FAM120A: variants seen among roughly 807,000 people sequenced by gnomAD.
The protein encoded by FAM120A is constitutive coactivator of PPAR-gamma-like protein 1.
In FAM120A, 15 loss-of-function variants were observed where a neutral mutation model predicts 109.7. The ratio of observed to expected loss-of-function variants is 0.14; its 90% CI spans 0.09 to 0.21. FAM120A has a LOEUF of 0.21. Ranked by LOEUF, FAM120A falls within the 10% of genes least tolerant of loss-of-function variation. The probability of loss-of-function intolerance (pLI) is 1.00; values close to 1 mark genes in which losing one functional copy is unlikely to be tolerated. For missense variants in FAM120A, 899 were observed against 1,439.3 expected, an observed-to-expected ratio of 0.62 and a Z score of 6.07; for synonymous variants, 493 against 572.8, an observed-to-expected ratio of 0.86 and a Z score of 1.99.
Position 93,516,180 on chromosome 9 carries a change from C to A in FAM120A, c.1329C>A (p.Gly443=). ...RSSPINPAQS[G]SPNHVDSAYF... is the part of the protein sequence containing the mutation. ...CGCCCATCAACCCGGCCCAGAGCGG[C>A]AGCCCCAACCACGTGGATTCCGCCT... The change falls in exon 7 of 18, where the codon GGC becomes GGA. Residue 443 remains glycine, a synonymous_variant. Transcript: ENST00000277165. The A allele has an allele frequency of 6.2e-7, 1 of 1,614,022 alleles. No individual in the cohort carries two copies. Among genetic ancestry groups the A allele is most frequent in the Non-Finnish European group, 8.5e-7 (1 of 1,179,882 alleles).
chr9:93,540,618 C>T (rs1462913913), intron 10 of FAM120A, among the ~76,000 whole-genome samples: 4 of 152,078 alleles, frequency 2.6e-5, no homozygotes, highest in South Asian at 4.1e-4. Flanking sequence ...TGGGCTGTGT[C>T]GAGTCTGGAG....
rs1367029243 is a variant in FAM120A at position 93,500,483 on chromosome 9, C to G, written c.1030+1597C>G. On this transcript the variant is annotated intron_variant, in intron 5 of 17. Transcript: ENST00000277165. This position sits in a 1 kb window ranked among gnomAD's most constrained non-coding sequence, Gnocchi z 4.6. ...CTGCCTGGCTTTAAATCTCTGCACA[C>G]TCCTTGGCTTCTATTTGTCACCACC... Among the ~76,000 whole-genome samples the G allele has an allele frequency of 1.3e-5, 2 of 152,228 alleles. No individual in the cohort carries two copies. Among genetic ancestry groups the G allele is most frequent in the Non-Finnish European group, 2.9e-5 (2 of 68,038 alleles).
At chr9:93,517,428 G>T (rs570238348) in intron 7 of FAM120A, among the ~76,000 whole-genome samples, 8 of 152,238 alleles carry the variant, frequency 5.3e-5, no homozygotes, top group African/African-American at 1.4e-4. Context: ...CCCCAAATTT[G>T]CATTTTAAAT....
chr9:93,502,757 T>C (rs1428029023), intron 5 of FAM120A, among the ~76,000 whole-genome samples: 1 of 152,216 alleles, frequency 6.6e-6, no homozygotes, highest in Non-Finnish European at 1.5e-5. Flanking sequence ...GTTCTTTCTG[T>C]CTCAGCATGT....
At chr9:93,487,201 G>A (rs983133300) in intron 3 of FAM120A, among the ~76,000 whole-genome samples, 8 of 152,012 alleles carry the variant, frequency 5.3e-5, no homozygotes, top group African/African-American at 1.7e-4. Context: ...TCGCTCTGTC[G>A]CCCAGGCTGG....
Position 93,452,935 on chromosome 9 carries a change from C to CCAGTGCCCTGGCCTCTACTTCAGAACG in FAM120A, c.474+557_474+583dup. On this transcript the variant is annotated intron_variant, in intron 1 of 17. Coordinates refer to ENST00000277165, the MANE Select transcript of FAM120A (RefSeq NM_014612.5). This position sits in a 1 kb window ranked among gnomAD's most constrained non-coding sequence, Gnocchi z 7.0. ...GGTGACAGCGAGACGTGTCTAAGGGCCAGTGCCCTGGCCTCTACTTCAGAA... is the reference window on the plus strand; with the variant it reads ...GGTGACAGCGAGACGTGTCTAAGGGCCAGTGCCCTGGCCTCTACTTCAGAACGCAGTGCCCTGGCCTCTACTTCAGAA... The CCAGTGCCCTGGCCTCTACTTCAGAACG allele has an allele frequency of 1.4e-6, 2 of 1,412,646 alleles. No homozygotes were observed. Among genetic ancestry groups the CCAGTGCCCTGGCCTCTACTTCAGAACG allele is most frequent in the Non-Finnish European group, 1.8e-6 (2 of 1,089,370 alleles). The allele number at this position is 1,412,646 out of a possible 1,614,324, so 87.5% of individuals were successfully genotyped here. A position where few individuals can be genotyped will look rare whatever the true frequency, so the allele number is the denominator to read the frequency against.
rs182532102 is a variant in FAM120A, at chr9:93,506,619, A to G, written c.1030+7733A>G. Among the ~76,000 whole-genome samples the G allele has an allele frequency of 3.8e-3, 573 of 150,262 alleles. 4 individuals are homozygous for G. Among genetic ancestry groups the G allele is most frequent in the Non-Finnish European group, 6.1e-3 (414 of 67,758 alleles). ...TTCTTCTTTTTTTTTTGTTTTCAAG[A>G]TGGAGTCTCGCTCTGTCGCCCAGAC... is the stretch of plus-strand genomic sequence containing the variant. On this transcript the variant is annotated intron_variant, in intron 5 of 17. Transcript: ENST00000277165.
At chr9:93,487,503 T>C (rs1859115020) in intron 3 of FAM120A, among the ~76,000 whole-genome samples, 1 of 152,220 alleles carries the variant, frequency 6.6e-6, no homozygotes, top group African/African-American at 2.4e-5. Flanking sequence ...TTCAAGTCTA[T>C]TATTAGATAT....
intron 1 of FAM120A, among the ~76,000 whole-genome samples, chr9:93,459,771 G>A (rs186918151): frequency 6.6e-6 from 1 of 152,262 alleles, no homozygotes; most frequent in Non-Finnish European, 1.5e-5. Context: ...GTTAACTGAA[G>A]GCATCTATTG....
Position 93,562,255 on chromosome 9 carries a change from G to A in FAM120A, c.2996G>A (p.Arg999Lys), listed in dbSNP as rs1862493796. Residue 999 changes from arginine (R) to lysine (K), a missense_variant, in exon 17 of 18, where the codon AGA becomes AAA. By Grantham distance (26) the Arg-to-Lys change is conservative. This residue lies in a region of FAM120A where 170 missense variants were observed against 205.0 expected (regional missense o/e 0.83). Transcript: ENST00000277165. The part of the protein sequence containing the change: ...ISTPVIRTFG[R>K]GGRYYGRGYK... ...ACCCCAGTGATTAGAACATTTGGAAGAGGTGGAAGGTACTATGGCAGAGGT... is the reference window on the plus strand; with the variant it reads ...ACCCCAGTGATTAGAACATTTGGAAAAGGTGGAAGGTACTATGGCAGAGGT... 6.2e-7 allele frequency: 1 copy of A among 1,614,232 alleles called. No individual in the cohort carries two copies.
chr9:93,555,880 T>C (rs1265994478), intron 12 of FAM120A, among the ~76,000 whole-genome samples: 2 of 152,250 alleles, frequency 1.3e-5, no homozygotes, highest in African/African-American at 4.8e-5. Flanking sequence ...ACATAAAGTA[T>C]AAATTTATTT....
chr9:93,478,401 G>T (rs193164133), intron 3 of FAM120A, among the ~76,000 whole-genome samples: 1 of 152,004 alleles, frequency 6.6e-6, no homozygotes. Flanking sequence ...TTGATACGTT[G>T]TAGGATTTTA....
At position 93,564,414 on chromosome 9, in the gene FAM120A, T is replaced by G; in HGVS notation, c.3231T>G (p.Ser1077=). The G allele has an allele frequency of 6.2e-7, 1 of 1,614,266 alleles. No homozygotes were observed. The highest frequency in any genetic ancestry group is 8.5e-7 in the Non-Finnish European group (1 of 1,180,048). Residue 1077 remains serine (S), a synonymous_variant, in exon 18 of 18, where the codon TCT becomes TCG. Transcript: ENST00000277165. ...GTGACGCCAGGGCCCCCAGCCACTC[T>G]GAAAGTGCCTTGAATAATGACTCTA... ...STGDARAPSH[S]ESALNNDSKT... is the part of the protein sequence containing the mutation.
chr9:93,467,864 GT>G (rs948989731), intron 1 of FAM120A, among the ~76,000 whole-genome samples: 8 of 151,606 alleles, frequency 5.3e-5, no homozygotes, highest in Non-Finnish European at 1.2e-4. Context: ...TGCCACCTTT[GT>G]TTTTTTGTAT....
chr9:93,550,514 A>C, intron 11 of FAM120A, 63 bp from the exon 12 acceptor site: 1 of 1,220,324 alleles, frequency 8.2e-7, no homozygotes, highest in Admixed American at 1.7e-5. Flanking sequence ...CTCCCACTGG[A>C]CTTGTCTATA....
chr9:93,463,436 T>C (rs1028592989), intron 1 of FAM120A, among the ~76,000 whole-genome samples: 2 of 152,256 alleles, frequency 1.3e-5, no homozygotes, highest in African/African-American at 2.4e-5. Flanking sequence ...GAGATTTCTT[T>C]TTAGAGGCAT....
intron 5 of FAM120A, among the ~76,000 whole-genome samples, chr9:93,512,836 C>T (rs1478935980): frequency 6.6e-6 from 1 of 152,172 alleles, no homozygotes; most frequent in Admixed American, 6.5e-5. Context: ...TAGTGGCTTG[C>T]TCTGTGGATT....
chr9:93,562,818 C>T (rs1474356776), intron 17 of FAM120A, among the ~76,000 whole-genome samples: 3 of 152,088 alleles, frequency 2.0e-5, no homozygotes, highest in East Asian at 1.9e-4. Context: ...GTGTGTGCCA[C>T]GACACTCGGC....
chr9:93,564,461 A>G lies in FAM120A; in HGVS notation c.3278A>G (p.His1093Arg). Residue 1093 changes from histidine (H) to arginine (R), a missense_variant, in exon 18 of 18, where the codon CAT becomes CGT. Coordinates refer to ENST00000277165, the MANE Select transcript of FAM120A (RefSeq NM_014612.5). ...TCTAAAACGTGCAATACAAATCCTC[A>G]TTTAAATGCACTAAGTACAGACAGC... Reference protein sequence around the residue: ...NDSKTCNTNPHLNALSTDSAC... With the variant: ...NDSKTCNTNPRLNALSTDSAC... 6.2e-7 allele frequency: 1 copy of G among 1,614,190 alleles called. No individual in the cohort carries two copies. The highest frequency in any genetic ancestry group is 1.1e-5 in the South Asian group (1 of 91,082).
Sources: gnomAD v4.1 joint callset for allele counts (sites outside exome capture counted in the v4.1 genomes callset) on GRCh38, gnomAD v4.1.1 for gene constraint, gnomAD v4.1.1 regional missense constraint, Gnocchi (gnomAD v3.1) non-coding constraint, MANE v1.5 for transcripts, NCBI Gene and HGNC (gene_info 2026-07-23, HGNC 2026-07-21) for gene names.